TRPC6: variants seen among roughly 807,000 people sequenced by gnomAD.
TRPC6 encodes the protein short transient receptor potential channel 6.
TRPC6 carries 55 observed loss-of-function variants against 90.7 expected under a neutral mutation model. That is an observed-to-expected ratio of 0.61 (90% CI 0.49 to 0.76). The LOEUF (loss-of-function observed/expected upper bound fraction) is 0.76. TRPC6 is among the 30% of genes least tolerant of loss of function. The probability of loss-of-function intolerance (pLI) is 0.00; values close to 1 mark genes in which losing one functional copy is unlikely to be tolerated. For missense variants in TRPC6, 989 were observed against 1,122.7 expected, an observed-to-expected ratio of 0.88 and a Z score of 1.70; for synonymous variants, 393 against 393.0, an observed-to-expected ratio of 1.00 and a Z score of 0.00.
intron 1 of TRPC6, among the ~76,000 whole-genome samples, chr11:101,582,996 T>C (rs1411420994): frequency 1.3e-5 from 2 of 152,306 alleles, no homozygotes; most frequent in African/African-American, 4.8e-5. Context: ...GTAGCGATCC[T>C]GTCTCTTGTA....
chr11:101,502,983 C>T (rs1860166527), intron 2 of TRPC6, among the ~76,000 whole-genome samples: 2 of 151,974 alleles, frequency 1.3e-5, no homozygotes, highest in Non-Finnish European at 2.9e-5. Flanking sequence ...AAAATGAAAC[C>T]AATATTCACT....
chr11:101,573,922 G>A (rs1236695809), intron 1 of TRPC6, among the ~76,000 whole-genome samples: 4 of 27,030 alleles, frequency 1.5e-4, no homozygotes, highest in Non-Finnish European at 3.3e-4. Flanking sequence ...AAACAAATAC[G>A]TGTGTGTGTG....
chr11:101,524,283 C>T (rs1423664751), intron 1 of TRPC6, among the ~76,000 whole-genome samples: 3 of 152,188 alleles, frequency 2.0e-5, no homozygotes, highest in Non-Finnish European at 4.4e-5. Flanking sequence ...TAGTCTCACT[C>T]TGTCACCCAG....
intron 1 of TRPC6, among the ~76,000 whole-genome samples, chr11:101,561,506 G>C (rs917444383): frequency 2.6e-5 from 4 of 152,022 alleles, no homozygotes; most frequent in African/African-American, 9.7e-5. Flanking sequence ...GAACATTTGA[G>C]AACAGTGGTT....
chr11:101,527,511 C>G (rs1860805974), intron 1 of TRPC6, among the ~76,000 whole-genome samples: 1 of 152,018 alleles, frequency 6.6e-6, no homozygotes, highest in Non-Finnish European at 1.5e-5. Flanking sequence ...ATACCGTATC[C>G]TAGGTTAACA....
intron 1 of TRPC6, among the ~76,000 whole-genome samples, chr11:101,578,824 A>G (rs1010436082): frequency 1.3e-5 from 2 of 152,154 alleles, no homozygotes; most frequent in African/African-American, 4.8e-5. Context: ...TCTTTAACCA[A>G]GGTAATATCA....
rs766108737 is a variant in TRPC6, at chr11:101,504,356, C to A, written c.613G>T (p.Asp205Tyr). The stretch of plus-strand genomic sequence containing the variant: ...CCATCTTCATCATAGGCATAAAAAT[C>A]ATCTTGCTGGAGTTCAGACTGGCTA... ...SPSQSELQQD[D>Y]FYAYDEDGTR... Residue 205 changes from aspartate to tyrosine, a missense_variant, in exon 2 of 13, where the codon GAT (aspartate) becomes TAT (tyrosine). By Grantham distance (160) the Asp-to-Tyr change is radical. Coordinates refer to ENST00000344327, the MANE Select transcript of TRPC6 (RefSeq NM_004621.6). 6.2e-7 allele frequency: 1 copy of A among 1,614,080 alleles called. No homozygotes were observed. The highest frequency in any genetic ancestry group is 8.5e-7 in the Non-Finnish European group (1 of 1,180,004).
intron 1 of TRPC6, among the ~76,000 whole-genome samples, chr11:101,549,211 T>C (rs117887134): frequency 1.3e-5 from 2 of 151,966 alleles, no homozygotes; most frequent in Non-Finnish European, 2.9e-5. Context: ...CTTTTGTAAG[T>C]TGAACAGAAC....
At position 101,453,006 on chromosome 11, in the gene TRPC6, T is replaced by TTCTC. The variant is rs776099027; in HGVS notation, c.2741_2744dup (p.Leu916ArgfsTer17). The TTCTC allele has an allele frequency of 6.2e-7, 1 of 1,613,980 alleles. No homozygotes were observed. The highest frequency in any genetic ancestry group is 2.2e-5 in the East Asian group (1 of 44,848). On this transcript the variant is annotated frameshift_variant, in exon 13 of 13. Transcript: ENST00000344327. LOFTEE classifies it high-confidence loss of function. Reference sequence around the variant, plus strand: ...GTTCCATGGATAATTTCTCTCCAAGTTCTCTAATAAGTTCTGCTAGGTCTT... The same window carrying TTCTC: ...GTTCCATGGATAATTTCTCTCCAAGTTCTCTCTCTAATAAGTTCTGCTAGGTCTT...
intron 2 of TRPC6, among the ~76,000 whole-genome samples, chr11:101,496,188 C>A (rs1859944700): frequency 6.6e-6 from 1 of 152,172 alleles, no homozygotes; most frequent in Admixed American, 6.5e-5. Flanking sequence ...GAAAATCCAT[C>A]CCCACGATGC....
intron 1 of TRPC6, among the ~76,000 whole-genome samples, chr11:101,542,301 ACTC>A (rs1377394666): frequency 5.9e-5 from 9 of 152,178 alleles, no homozygotes; most frequent in African/African-American, 2.2e-4. Context: ...GTGCTAATTA[ACTC>A]CTCATGACTG....
At chr11:101,518,736 C>T (rs1157652750) in intron 1 of TRPC6, among the ~76,000 whole-genome samples, 2 of 152,212 alleles carry the variant, frequency 1.3e-5, no homozygotes, top group Admixed American at 1.3e-4. Context: ...GGTAGCTGCA[C>T]TCCCATGTTT....
chr11:101,568,677 C>G (rs1861889048), intron 1 of TRPC6, among the ~76,000 whole-genome samples: 1 of 152,234 alleles, frequency 6.6e-6, no homozygotes, highest in Non-Finnish European at 1.5e-5. Flanking sequence ...TGGCAGAAAC[C>G]CTACAAGCTA....
chr11:101,558,963 G>A (rs1565243940), intron 1 of TRPC6, among the ~76,000 whole-genome samples: 1 of 151,666 alleles, frequency 6.6e-6, no homozygotes, highest in Admixed American at 6.6e-5. Context: ...TCTAGGCAAT[G>A]TTTTTTTTGG....
At chr11:101,550,926 A>G (rs1861435926) in intron 1 of TRPC6, among the ~76,000 whole-genome samples, 1 of 151,874 alleles carries the variant, frequency 6.6e-6, no homozygotes, top group Non-Finnish European at 1.5e-5. Context: ...TTATTAGATC[A>G]TGGTATTTAA....
chr11:101,528,896 C>T (rs1287205090), intron 1 of TRPC6, among the ~76,000 whole-genome samples: 1 of 151,962 alleles, frequency 6.6e-6, no homozygotes, highest in African/African-American at 2.4e-5. Context: ...CATCTGGAAT[C>T]ATGAAAATAT....
intron 10 of TRPC6, among the ~76,000 whole-genome samples, chr11:101,456,011 A>C (rs1202026982): frequency 6.6e-6 from 1 of 152,184 alleles, no homozygotes; most frequent in African/African-American, 2.4e-5. Context: ...TATAAATTTG[A>C]AAATAGCATC....
intron 7 of TRPC6, 70 bp from the exon 8 acceptor site, chr11:101,472,402 A>C: frequency 6.8e-7 from 1 of 1,466,910 alleles, no homozygotes; most frequent in Non-Finnish European, 9.2e-7. Context: ...ACCATAATAA[A>C]AGTGAGTTTG....
chr11:101,492,925 G>C (rs1859862754), intron 2 of TRPC6, among the ~76,000 whole-genome samples: 2 of 152,298 alleles, frequency 1.3e-5, no homozygotes, highest in Admixed American at 6.5e-5. Flanking sequence ...TTAGAGAAAA[G>C]AAAGTTTAAT....
Sources: gnomAD v4.1 joint callset for allele counts (sites outside exome capture counted in the v4.1 genomes callset) on GRCh38, gnomAD v4.1.1 for gene constraint, MANE v1.5 for transcripts, NCBI Gene and HGNC (gene_info 2026-07-23, HGNC 2026-07-21) for gene names.